The following FAM107B variants were observed in gnomAD, a reference collection of about 807,000 sequenced individuals.
The protein encoded by FAM107B is protein FAM107B.
A neutral mutation model predicts 31.5 loss-of-function variants in FAM107B; 21 were observed. That is an observed-to-expected ratio of 0.67 (90% CI 0.47 to 0.96). FAM107B has a LOEUF of 0.96. Among genes scored for constraint, FAM107B ranks in the 40% least tolerant of loss-of-function variants. The pLI is 0.00. For missense variants in FAM107B, 452 were observed against 377.1 expected (o/e 1.20, Z -1.64); for synonymous variants, 157 against 141.5 (o/e 1.11, Z -0.78).
At chr10:14,731,144 C>T (rs540123365) in intron 1 of FAM107B, among the ~76,000 whole-genome samples, 29 of 152,262 alleles carry the variant, frequency 1.9e-4, no homozygotes, top group African/African-American at 6.3e-4. Context: ...ATCCAACAAT[C>T]CATTGGTCCA....
chr10:14,530,523 A>C lies in FAM107B; in HGVS notation c.470-8T>G. 6.2e-7 allele frequency: 1 copy of C among 1,610,322 alleles called. No homozygotes were observed. Among genetic ancestry groups the C allele is most frequent in the South Asian group, 1.1e-5 (1 of 90,468 alleles). Reference sequence around the variant, plus strand: ...TATCCTCAGGTGGGCTGTCTGAAAGAGAAAGATGAGAAACACTCATTTGCA... The same window carrying C: ...TATCCTCAGGTGGGCTGTCTGAAAGCGAAAGATGAGAAACACTCATTTGCA... On this transcript the variant is annotated splice_region_variant and splice_polypyrimidine_tract_variant and intron_variant, in intron 2 of 4. Coordinates refer to ENST00000181796, the MANE Select transcript of FAM107B (RefSeq NM_031453.4).
intron 2 of FAM107B, among the ~76,000 whole-genome samples, chr10:14,618,454 A>ATGGGT (rs1852909240): frequency 6.6e-6 from 1 of 151,990 alleles, no homozygotes; most frequent in South Asian, 2.1e-4. Flanking sequence ...GTATGGTATT[A>ATGGGT]TGGGTTGGAT....
chr10:14,695,969 T>TTTC (rs1158760546), intron 1 of FAM107B, among the ~76,000 whole-genome samples: 1 of 152,226 alleles, frequency 6.6e-6, no homozygotes, highest in South Asian at 2.1e-4. Context: ...ATGCCTTTTC[T>TTTC]TTCTTCTTCT....
intron 2 of FAM107B, among the ~76,000 whole-genome samples, chr10:14,635,682 A>G (rs182841117): frequency 3.9e-4 from 59 of 151,902 alleles, no homozygotes; most frequent in African/African-American, 1.4e-3. Flanking sequence ...CCCAGGCTGG[A>G]GTACAGTGGC....
chr10:14,527,573 A>C (rs1846427658), intron 3 of FAM107B, among the ~76,000 whole-genome samples: 1 of 152,394 alleles, frequency 6.6e-6, no homozygotes, highest in African/African-American at 2.4e-5. Context: ...ACTATTATGT[A>C]ATCTTGAGAT....
At chr10:14,533,321 G>A (rs138696788) in intron 2 of FAM107B, among the ~76,000 whole-genome samples, 1,980 of 152,270 alleles carry the variant, frequency 0.013, 22 homozygotes, top group Non-Finnish European at 0.017. Flanking sequence ...GACTGGACAC[G>A]AGGCGTGAAA....
In FAM107B at chr10:14,619,997, C is replaced by T. The variant is rs920815114; in HGVS notation, c.469+47637G>A. Among the ~76,000 whole-genome samples the T allele has an allele frequency of 8.1e-5, 12 of 147,318 alleles. No individual in the cohort carries two copies. The East Asian group carries it at 1.4e-3, about 17-fold the overall frequency. On this transcript the variant is annotated intron_variant, in intron 2 of 4. Coordinates refer to ENST00000181796, the MANE Select transcript of FAM107B (RefSeq NM_031453.4). Reference sequence around the variant, plus strand: ...AGTTGACCGTGTAAGTGTCTATCTACGTCTGGACTTTCTTTCTTTCTTTTT... The same window carrying T: ...AGTTGACCGTGTAAGTGTCTATCTATGTCTGGACTTTCTTTCTTTCTTTTT...
intron 2 of FAM107B, among the ~76,000 whole-genome samples, chr10:14,582,502 G>A (rs777011993): frequency 9.5e-5 from 14 of 146,658 alleles, no homozygotes; most frequent in Non-Finnish European, 1.6e-4. Context: ...TCAGCCTCCC[G>A]AGTAGCTGGG....
chr10:14,730,928 C>CT (rs755851897), intron 1 of FAM107B, among the ~76,000 whole-genome samples: 16 of 151,820 alleles, frequency 1.1e-4, no homozygotes, highest in Non-Finnish European at 2.1e-4. Flanking sequence ...GCAGAGGTGA[C>CT]TTTAGGGGTG....
intron 1 of FAM107B, among the ~76,000 whole-genome samples, chr10:14,763,541 CA>C (rs1833100348): frequency 1.3e-5 from 2 of 152,174 alleles, no homozygotes; most frequent in African/African-American, 4.8e-5. Context: ...ATCACTGCAC[CA>C]AGTCACTTCT....
intron 1 of FAM107B, among the ~76,000 whole-genome samples, chr10:14,739,507 C>T (rs1051399386): frequency 2.0e-5 from 3 of 152,166 alleles, no homozygotes; most frequent in African/African-American, 7.2e-5. Flanking sequence ...AACTTACTGC[C>T]TCAGCTCTCC....
chr10:14,607,998 T>C (rs998615855), intron 2 of FAM107B, among the ~76,000 whole-genome samples: 8 of 151,450 alleles, frequency 5.3e-5, no homozygotes, highest in African/African-American at 1.9e-4. Flanking sequence ...CTAAGGAAAA[T>C]CGAACAAAGC....
chr10:14,570,233 G>GGTGGGTGTGTGTGTGTGTGT (rs768204428), intron 2 of FAM107B, among the ~76,000 whole-genome samples: 83 of 140,422 alleles, frequency 5.9e-4, no homozygotes, highest in South Asian at 2.0e-3. Flanking sequence ...AAATGTGGTG[G>GGTGGGTGTGTGTGTGTGTGT]GTGTGTGTGT....
rs117086540 is a variant in FAM107B, at chr10:14,547,479, C to T, written c.470-16964G>A. On this transcript the variant is annotated intron_variant, in intron 2 of 4. Coordinates refer to ENST00000181796, the MANE Select transcript of FAM107B (RefSeq NM_031453.4). ...CTAACTTCCAACCACTCACTCACTA[C>T]AGGTTGAGCATCCCTTATCCGAAAC... 5.5e-3 allele frequency among the ~76,000 whole-genome samples: 831 copies of T among 152,318 alleles called. 6 individuals are homozygous for T. Among genetic ancestry groups the T allele is most frequent in the Non-Finnish European group, 9.8e-3 (666 of 68,018 alleles).
chr10:14,670,437 C>A lies in FAM107B; in HGVS notation c.412-2746G>T, dbSNP rs539149591. On this transcript the variant is annotated intron_variant, in intron 1 of 4. Coordinates refer to ENST00000181796, the MANE Select transcript of FAM107B (RefSeq NM_031453.4). ...ATAACAGAAAAGCCCCATCACACAG[C>A]AAATAAATGCAGTAAGTCATTTCTT... Among the ~76,000 whole-genome samples, 3 of 152,220 alleles carry A rather than the reference C, an allele frequency of 2.0e-5. No individual in the cohort carries two copies. The South Asian group carries it at 6.2e-4, about 32-fold the overall frequency.
At chr10:14,626,994 A>T (rs555900513) in intron 2 of FAM107B, among the ~76,000 whole-genome samples, 3 of 152,222 alleles carry the variant, frequency 2.0e-5, no homozygotes, top group African/African-American at 7.2e-5. Context: ...CCAAATGGCT[A>T]TGTTCCCTCT....
At chr10:14,723,869 G>A (rs1380710720) in intron 1 of FAM107B, 2 of 754,290 alleles carry the variant, frequency 2.7e-6, no homozygotes, top group Admixed American at 1.7e-5. Flanking sequence ...ACAACGGCAT[G>A]AACTGCCAGC....
At chr10:14,714,393 G>T (rs548501144) in intron 1 of FAM107B, among the ~76,000 whole-genome samples, 1 of 152,342 alleles carries the variant, frequency 6.6e-6, no homozygotes, top group African/African-American at 2.4e-5. Context: ...GACTGGCAGA[G>T]GCCTTGGCTC....
chr10:14,727,745 T>C (rs1240551955), intron 1 of FAM107B, among the ~76,000 whole-genome samples: 1 of 152,220 alleles, frequency 6.6e-6, no homozygotes, highest in East Asian at 1.9e-4. Flanking sequence ...CCAGGGCTTC[T>C]AGGGAAACCC....
Sources: gnomAD v4.1 joint callset for allele counts (sites outside exome capture counted in the v4.1 genomes callset) on GRCh38, gnomAD v4.1.1 for gene constraint, MANE v1.5 for transcripts, NCBI Gene and HGNC (gene_info 2026-07-23, HGNC 2026-07-21) for gene names.